The following DNM3 variants were observed in gnomAD, a reference collection of about 807,000 sequenced individuals.
DNM3 encodes the protein dynamin-3.
Under a neutral mutation model 101.6 loss-of-function variants are expected in DNM3, and 47 were observed. The ratio of observed to expected loss-of-function variants is 0.46; its 90% confidence interval spans 0.37 to 0.59. The LOEUF is 0.59. DNM3 is among the 20% of genes least tolerant of loss of function. DNM3 has a pLI of 0.00. For missense variants in DNM3, 849 were observed against 1,085.7 expected, an observed-to-expected ratio of 0.78 and a Z score of 3.06; for synonymous variants, 385 against 387.9, an observed-to-expected ratio of 0.99 and a Z score of 0.09.
At chr1:172,119,281 C>G (rs1013908492) in intron 13 of DNM3, among the ~76,000 whole-genome samples, 6 of 152,144 alleles carry the variant, frequency 3.9e-5, no homozygotes, top group Admixed American at 6.5e-5. Flanking sequence ...TGTGAGCCAC[C>G]ACACCTGGCC....
intron 14 of DNM3, among the ~76,000 whole-genome samples, chr1:172,198,540 C>T (rs1036798559): frequency 1.2e-4 from 13 of 109,562 alleles, no homozygotes; most frequent in Non-Finnish European, 1.3e-4. Context: ...CCATCAGGTC[C>T]TGGGCTTTTT....
At chr1:171,893,152 T>C (rs1489833346) in intron 1 of DNM3, among the ~76,000 whole-genome samples, 1 of 152,194 alleles carries the variant, frequency 6.6e-6, no homozygotes, top group Non-Finnish European at 1.5e-5. Flanking sequence ...ACATTTGCAA[T>C]AGAGTTAGAC....
chr1:171,853,731 C>T (rs999045065), intron 1 of DNM3, among the ~76,000 whole-genome samples: 4 of 152,160 alleles, frequency 2.6e-5, no homozygotes, highest in Non-Finnish European at 4.4e-5. Flanking sequence ...ATAACTCTGA[C>T]AGCATCCTGC....
intron 15 of DNM3, among the ~76,000 whole-genome samples, chr1:172,295,441 G>T (rs761205845): frequency 2.0e-5 from 3 of 152,156 alleles, no homozygotes; most frequent in African/African-American, 7.2e-5. Context: ...AGTATTTCTA[G>T]ATAGATTAGC....
intron 15 of DNM3, among the ~76,000 whole-genome samples, chr1:172,258,083 G>A (rs528824995): frequency 6.6e-6 from 1 of 152,158 alleles, no homozygotes; most frequent in African/African-American, 2.4e-5. Flanking sequence ...GTGATTTCCA[G>A]TTCTATCCAT....
At chr1:172,106,927 C>T (rs2055086373) in intron 13 of DNM3, among the ~76,000 whole-genome samples, 2 of 132,784 alleles carry the variant, frequency 1.5e-5, no homozygotes, top group African/African-American at 5.6e-5. Context: ...GTGGCGCAAT[C>T]TCGGCTCACT....
intron 20 of DNM3, chr1:172,399,959 C>T (rs1337049428): frequency 6.6e-6 from 1 of 151,100 alleles, no homozygotes; most frequent in African/African-American, 2.4e-5. Context: ...GGTTATTTTT[C>T]TGTGAGTATT....
At chr1:172,338,443 A>G (rs976683747) in intron 17 of DNM3, among the ~76,000 whole-genome samples, 2 of 151,992 alleles carry the variant, frequency 1.3e-5, no homozygotes, top group Non-Finnish European at 2.9e-5. Context: ...TTTACCAGAA[A>G]TTCAGCTTTC....
At chr1:171,897,271 T>C (rs551759615) in intron 1 of DNM3, among the ~76,000 whole-genome samples, 1 of 152,320 alleles carries the variant, frequency 6.6e-6, no homozygotes, top group African/African-American at 2.4e-5. Flanking sequence ...AATCAGGTCA[T>C]AGCAAATGAA....
intron 14 of DNM3, among the ~76,000 whole-genome samples, chr1:172,205,538 C>A (rs940428549): frequency 5.3e-5 from 8 of 151,916 alleles, no homozygotes; most frequent in Non-Finnish European, 8.8e-5. Flanking sequence ...TATATGTTAT[C>A]CTAAGTGATA....
Position 172,409,389 on chromosome 1 carries a change from C to A in DNM3, c.*1548C>A. 1 of 984,978 alleles carries A rather than the reference C, an allele frequency of 1.0e-6. No homozygotes were observed. The highest frequency in any genetic ancestry group is 4.7e-5 in the South Asian group (1 of 21,274). The allele number at this position is 984,978 out of a possible 1,614,324, so 61.0% of individuals were successfully genotyped here. ...AAAGTATAAAGTAAAAACTTTTAAC[C>A]ATTATTAAACAGAGAACTTGCCATG... On this transcript the variant is annotated 3_prime_UTR_variant, in exon 21 of 21. Transcript: ENST00000627582.
chr1:172,354,112 T>TGTGTGAGA (rs138540712), intron 17 of DNM3, among the ~76,000 whole-genome samples: 92 of 94,962 alleles, frequency 9.7e-4, no homozygotes, highest in South Asian at 3.4e-3. Flanking sequence ...TGTGTGTGTG[T>TGTGTGAGA]GAGAGAGAGA....
At chr1:171,950,191 G>C (rs897729917) in intron 2 of DNM3, among the ~76,000 whole-genome samples, 4 of 152,054 alleles carry the variant, frequency 2.6e-5, no homozygotes, top group Admixed American at 2.6e-4. Flanking sequence ...TAATGATGCA[G>C]CGTGAAAGAA....
intron 17 of DNM3, among the ~76,000 whole-genome samples, chr1:172,367,213 AG>A (rs1305671734): frequency 6.6e-6 from 1 of 151,302 alleles, no homozygotes; most frequent in African/African-American, 2.4e-5. Flanking sequence ...AAGCACTGAA[AG>A]AAAAAAAAAA....
chr1:171,992,320 C>A (rs1206165661), intron 4 of DNM3, among the ~76,000 whole-genome samples: 5 of 151,996 alleles, frequency 3.3e-5, no homozygotes, highest in Non-Finnish European at 7.4e-5. Context: ...TAGGTGAGAG[C>A]AATGAATGTT....
intron 17 of DNM3, among the ~76,000 whole-genome samples, chr1:172,355,664 T>G (rs1273903092): frequency 1.3e-5 from 2 of 152,126 alleles, no homozygotes; most frequent in East Asian, 3.9e-4. Flanking sequence ...CAGTTGGTTC[T>G]CATGAGCTGG....
chr1:172,313,099 T>C (rs1182519293), intron 16 of DNM3, among the ~76,000 whole-genome samples: 1 of 152,260 alleles, frequency 6.6e-6, no homozygotes, highest in Non-Finnish European at 1.5e-5. Context: ...TATTTAAATC[T>C]GAATTTGGAT....
intron 14 of DNM3, among the ~76,000 whole-genome samples, chr1:172,205,776 C>T (rs2060302770): frequency 6.6e-6 from 1 of 152,016 alleles, no homozygotes; most frequent in Non-Finnish European, 1.5e-5. Context: ...TTTTGATAAC[C>T]TTTTCAGATT....
At chr1:172,250,501 G>A (rs2062126827) in intron 14 of DNM3, among the ~76,000 whole-genome samples, 2 of 152,048 alleles carry the variant, frequency 1.3e-5, no homozygotes, top group African/African-American at 2.4e-5. Context: ...TGACAAAATC[G>A]TTTTCAAAAA....
Sources: gnomAD v4.1 joint callset for allele counts (sites outside exome capture counted in the v4.1 genomes callset) on GRCh38, gnomAD v4.1.1 for gene constraint, MANE v1.5 for transcripts, NCBI Gene and HGNC (gene_info 2026-07-23, HGNC 2026-07-21) for gene names.